The following SLC15A2 variants were observed in gnomAD, a reference collection of about 807,000 sequenced individuals.
The protein encoded by SLC15A2 is kidney H(+)/peptide cotransporter.
A neutral mutation model predicts 95.5 loss-of-function variants in SLC15A2; 77 were observed. The ratio of observed to expected loss-of-function variants is 0.81; its 90% confidence interval spans 0.67 to 0.97. The LOEUF (loss-of-function observed/expected upper bound fraction) is 0.97. Ranked by LOEUF, SLC15A2 falls within the 50% of genes least tolerant of loss-of-function variation. The probability of loss-of-function intolerance (pLI) is 0.00; values close to 1 mark genes in which losing one functional copy is unlikely to be tolerated. For synonymous variants in SLC15A2, 306 were observed against 306.9 expected, an observed-to-expected ratio of 1.00 and a Z score of 0.03; for missense variants, 893 against 874.4, an observed-to-expected ratio of 1.02 and a Z score of -0.27.
At position 121,939,396 on chromosome 3, in the gene SLC15A2, C is replaced by A. The variant is rs779096863; in HGVS notation, c.1809C>A (p.Ala603=). The change falls in exon 20 of 22, where the codon GCC becomes GCA. Residue 603 remains alanine, a synonymous_variant. Transcript: ENST00000489711. ...CCTGGAAGATTGAAGACATTCCAGC[C>A]AACAAAATGTCCATTGCGTGGCAGC... The part of the protein sequence containing the change: ...LQAWKIEDIP[A]NKMSIAWQLP... The A allele has an allele frequency of 3.9e-5, 62 of 1,579,368 alleles. No individual in the cohort carries two copies. Among genetic ancestry groups the A allele is most frequent in the Non-Finnish European group, 5.1e-5 (59 of 1,163,584 alleles).
intron 4 of SLC15A2, among the ~76,000 whole-genome samples, chr3:121,912,289 A>G (rs1305240329): frequency 6.6e-6 from 1 of 152,148 alleles, no homozygotes; most frequent in Non-Finnish European, 1.5e-5. Flanking sequence ...GCTGGAGTGC[A>G]GTGGTGTGAT....
intron 3 of SLC15A2, among the ~76,000 whole-genome samples, chr3:121,906,719 G>T (rs1014418902): frequency 2.0e-5 from 3 of 151,632 alleles, no homozygotes; most frequent in African/African-American, 7.3e-5. Context: ...GGTTTCTGGC[G>T]AGAGATCCAC....
At position 121,931,620 on chromosome 3, in the gene SLC15A2, TA is replaced by T; in HGVS notation, c.1665-16del. 6.5e-7 allele frequency: 1 copy of T among 1,539,844 alleles called. No homozygotes were observed. The highest frequency in any genetic ancestry group is 9.0e-7 in the Non-Finnish European group (1 of 1,112,922). On this transcript the variant is annotated intron_variant, in intron 18 of 21. Coordinates refer to ENST00000489711, the MANE Select transcript of SLC15A2 (RefSeq NM_021082.4). ...CCAAGCCTTGATATTTATTCTAACCTAAATTCATCCTGTTCCAGATACCCTG... is the reference window on the plus strand; with the variant it reads ...CCAAGCCTTGATATTTATTCTAACCTAATTCATCCTGTTCCAGATACCCTG...
intron 19 of SLC15A2, 22 bp downstream of exon 19, chr3:121,931,757 CTT>C: frequency 7.3e-7 from 1 of 1,377,040 alleles, no homozygotes; most frequent in East Asian, 2.3e-5. Context: ...ACAGCCACCT[CTT>C]TACCCTCTCT....
intron 13 of SLC15A2, among the ~76,000 whole-genome samples, chr3:121,926,202 T>G (rs141709706): frequency 3.2e-4 from 49 of 152,232 alleles, no homozygotes; most frequent in African/African-American, 8.9e-4. Context: ...TGATGCAGTT[T>G]GAATATTTGT....
At chr3:121,906,634 A>C (rs1709651650) in intron 3 of SLC15A2, among the ~76,000 whole-genome samples, 2 of 152,124 alleles carry the variant, frequency 1.3e-5, no homozygotes, top group African/African-American at 4.8e-5. Flanking sequence ...GTTTGGCTGG[A>C]TATGAAATTC....
chr3:121,933,638 G>C (rs970544102), intron 19 of SLC15A2, among the ~76,000 whole-genome samples: 4 of 150,280 alleles, frequency 2.7e-5, no homozygotes, highest in Non-Finnish European at 6.0e-5. Context: ...ATTTGTTTGA[G>C]TTCATTGTAG....
chr3:121,931,908 A>T (rs910444213), intron 19 of SLC15A2, among the ~76,000 whole-genome samples, 173 bp downstream of exon 19: 12 of 151,830 alleles, frequency 7.9e-5, no homozygotes, highest in African/African-American at 2.2e-4. Flanking sequence ...TTTTATTTTT[A>T]TTTTTTTTGA....
chr3:121,922,676 C>A, intron 8 of SLC15A2, 99 bp from the exon 9 acceptor site: 2 of 723,126 alleles, frequency 2.8e-6, no homozygotes, highest in South Asian at 2.1e-5. Context: ...TGGAATAAGT[C>A]ACTAGAAGTA....
chr3:121,915,787 T>A (rs948127731), intron 7 of SLC15A2, 94 bp downstream of exon 7: 1 of 867,940 alleles, frequency 1.2e-6, no homozygotes, highest in Non-Finnish European at 2.0e-6. Context: ...TTTCATTCAA[T>A]CCTCACACCA....
At position 121,943,506 on chromosome 3, in the gene SLC15A2, C is replaced by A. The variant is rs1559858327; in HGVS notation, c.*2499C>A. The A allele has an allele frequency of 6.6e-6, 1 of 152,074 alleles. No individual in the cohort carries two copies. Among genetic ancestry groups the A allele is most frequent in the Non-Finnish European group, 1.5e-5 (1 of 68,014 alleles). The allele number at this position is 152,074 out of a possible 1,614,324, so 9.4% of individuals were successfully genotyped here. ...TATTAAGATATCTTAATATGAAGTG[C>A]CTGGAGTCAAATATAACATTCCAAA... On this transcript the variant is annotated 3_prime_UTR_variant, in exon 22 of 22. Transcript: ENST00000489711.
In SLC15A2 at chr3:121,942,829, C is replaced by T. The variant is rs1478622731; in HGVS notation, c.*1822C>T. On this transcript the variant is annotated 3_prime_UTR_variant, in exon 22 of 22. Transcript: ENST00000489711. The stretch of plus-strand genomic sequence containing the variant: ...TCTGAGATATCCTGCAGTAAAGACA[C>T]AAGATACCTTGTTTAAATTAACATG... 6.6e-6 allele frequency: 1 copy of T among 152,182 alleles called. No individual in the cohort carries two copies. Among genetic ancestry groups the T allele is most frequent in the African/African-American group, 2.4e-5 (1 of 41,452 alleles). 9.4% of individuals were successfully genotyped at this position (152,182 alleles called of 1,614,324 possible).
intron 11 of SLC15A2, among the ~76,000 whole-genome samples, 197 bp from the exon 12 acceptor site, chr3:121,924,154 A>G (rs1369390418): frequency 1.3e-5 from 2 of 152,230 alleles, no homozygotes; most frequent in East Asian, 1.9e-4. Context: ...CCTGGCAAAC[A>G]TAGCCAGAAG....
intron 3 of SLC15A2, among the ~76,000 whole-genome samples, chr3:121,911,295 C>T (rs140967289): frequency 3.6e-4 from 55 of 152,118 alleles, no homozygotes; most frequent in African/African-American, 9.4e-4. Flanking sequence ...GTGGAGTGAG[C>T]GGGTAGAGGC....
Position 121,940,896 on chromosome 3 carries a change from C to A in SLC15A2, c.2079C>A (p.Gly693=). 1.9e-6 allele frequency: 3 copies of A among 1,614,144 alleles called. No individual in the cohort carries two copies. The highest frequency in any genetic ancestry group is 2.5e-6 in the Non-Finnish European group (3 of 1,180,002). Residue 693 remains glycine (G), a synonymous_variant, in exon 22 of 22, where the codon GGC becomes GGA. Coordinates refer to ENST00000489711, the MANE Select transcript of SLC15A2 (RefSeq NM_021082.4). ...LVICLIFSIM[G]YYYVPVKTED... ...TCTGCCTGATCTTCTCCATCATGGG[C>A]TACTACTATGTTCCTGTAAAGACAG...
intron 19 of SLC15A2, among the ~76,000 whole-genome samples, chr3:121,938,689 C>G (rs563313381): frequency 6.6e-6 from 1 of 152,180 alleles, no homozygotes; most frequent in Non-Finnish European, 1.5e-5. Context: ...GAGATGAGCC[C>G]GGTACCTCAG....
In SLC15A2 at chr3:121,922,221, T is replaced by A. The variant is rs1710019643; in HGVS notation, c.699T>A (p.Val233=). The change falls in exon 8 of 22, where the codon GTT becomes GTA. Residue 233 remains valine (V), a splice_region_variant and synonymous_variant. Coordinates refer to ENST00000489711, the MANE Select transcript of SLC15A2 (RefSeq NM_021082.4). ...ACCTTGTTTGTGTATCAACTGCAGT[T>A]GTGTTTGCAATGGGAAGCAAAATAT... The part of the protein sequence containing the change: ...VPGLLMVIAL[V]VFAMGSKIYN... 1 of 1,613,374 alleles carries A rather than the reference T, an allele frequency of 6.2e-7. No homozygotes were observed.
intron 19 of SLC15A2, among the ~76,000 whole-genome samples, chr3:121,932,391 G>A (rs949046031): frequency 3.3e-5 from 5 of 152,118 alleles, no homozygotes; most frequent in African/African-American, 4.8e-5. Flanking sequence ...AAGTACTAAT[G>A]TCTTCTTGGC....
At chr3:121,937,636 C>T (rs1042313956) in intron 19 of SLC15A2, among the ~76,000 whole-genome samples, 90 of 152,080 alleles carry the variant, frequency 5.9e-4, no homozygotes, top group African/African-American at 2.1e-3. Context: ...AAGCACTTCT[C>T]TGTATTGGTT....
Sources: gnomAD v4.1 joint callset for allele counts (sites outside exome capture counted in the v4.1 genomes callset) on GRCh38, gnomAD v4.1.1 for gene constraint, MANE v1.5 for transcripts, NCBI Gene and HGNC (gene_info 2026-07-23, HGNC 2026-07-21) for gene names.